PSMA6: variants seen among roughly 807,000 people sequenced by gnomAD.
PSMA6 encodes the protein proteasome subunit alpha type-6.
For synonymous variants in PSMA6, 88 were observed against 97.7 expected (o/e 0.90, Z 0.59); for missense variants, 170 against 294.8 (o/e 0.58, Z 3.10).
chr14:35,292,912 C>T (rs1367531496), intron 1 of PSMA6: 1 of 485,116 alleles, frequency 2.1e-6, no homozygotes, highest in Non-Finnish European at 4.0e-6. Flanking sequence ...TCCTTAACGT[C>T]TCAACTAAAA....
In PSMA6 at chr14:35,294,101, A is replaced by G. The variant is rs151097168; in HGVS notation, c.76+1549A>G. Among the ~76,000 whole-genome samples the G allele has an allele frequency of 7.8e-3, 1,186 of 152,290 alleles. 23 individuals carry two copies. Among genetic ancestry groups the G allele is most frequent in the African/African-American group, 0.027 (1,130 of 41,570 alleles). ...CTCTTGTTGCCTAGGCTGGAGTGCA[A>G]TGGCGCGATCTCGGCTCCCCGCAAT... On this transcript the variant is annotated intron_variant, in intron 1 of 6. Coordinates refer to ENST00000261479, the MANE Select transcript of PSMA6 (RefSeq NM_002791.3).
chr14:35,297,319 C>A (rs1476287174), intron 1 of PSMA6, among the ~76,000 whole-genome samples: 1 of 151,642 alleles, frequency 6.6e-6, no homozygotes, highest in Non-Finnish European at 1.5e-5. Flanking sequence ...GGGTTCACGC[C>A]GTTCTCCTGC....
intron 6 of PSMA6, chr14:35,316,404 GAGAA>G (rs1566565329): frequency 2.8e-5 from 4 of 143,814 alleles, no homozygotes; most frequent in African/African-American, 7.9e-5. Flanking sequence ...AAAAAAAAAA[GAGAA>G]AGGAAATATA....
chr14:35,283,552 CTTT>C (rs750836861), intron 1 of PSMA6, among the ~76,000 whole-genome samples: 23 of 126,634 alleles, frequency 1.8e-4, no homozygotes, highest in African/African-American at 3.5e-4. Context: ...GACTAGAACT[CTTT>C]TTTTTTTTTT....
Position 35,303,699 on chromosome 14 carries a change from C to G in PSMA6, c.77-4295C>G, listed in dbSNP as rs149552200. ...AAGAAGCACTTTGAAAGTTGTACAG[C>G]TAGTCCTCCATATTCAACCCATATT... On this transcript the variant is annotated intron_variant, in intron 1 of 6. Coordinates refer to ENST00000261479, the MANE Select transcript of PSMA6 (RefSeq NM_002791.3). 1.1e-3 allele frequency among the ~76,000 whole-genome samples: 165 copies of G among 152,306 alleles called. 3 individuals are homozygous for G. The East Asian group carries it at 0.024, about 23-fold the overall frequency.
chr14:35,278,813 A>T, intron 1 of PSMA6: 1 of 1,425,822 alleles, frequency 7.0e-7, no homozygotes, highest in Non-Finnish European at 9.5e-7. Context: ...CTTTACAATG[A>T]CCTTGCTCTA....
At chr14:35,290,758 T>C (rs1214141407), upstream of PSMA6, among the ~76,000 whole-genome samples, 1 of 152,204 alleles carries the variant, frequency 6.6e-6, no homozygotes, top group African/African-American at 2.4e-5. Context: ...CATTATGTTT[T>C]GCATTTTGTA....
At chr14:35,302,367 T>G (rs1011328797) in intron 1 of PSMA6, among the ~76,000 whole-genome samples, 1 of 152,192 alleles carries the variant, frequency 6.6e-6, no homozygotes, top group African/African-American at 2.4e-5. Context: ...ACAGCCAGAA[T>G]CACTACAAAT....
At chr14:35,281,272 A>G (rs1348157482) in intron 1 of PSMA6, among the ~76,000 whole-genome samples, 2 of 152,106 alleles carry the variant, frequency 1.3e-5, no homozygotes, top group Non-Finnish European at 2.9e-5. Context: ...CCTGTATACC[A>G]TAGTATTGCT....
upstream of PSMA6, chr14:35,292,339 T>C (rs1441779152): frequency 4.0e-6 from 6 of 1,507,192 alleles, no homozygotes; most frequent in African/African-American, 7.0e-5. Flanking sequence ...TCCAGAGCCG[T>C]GAGTTCGGCA....
intron 3 of PSMA6, 102 bp from the exon 4 acceptor site, chr14:35,310,638 A>T: frequency 3.5e-6 from 4 of 1,144,848 alleles, no homozygotes; most frequent in Non-Finnish European, 5.1e-6. Context: ...TCTTTAACTC[A>T]TGTATGTCTA....
intron 1 of PSMA6, among the ~76,000 whole-genome samples, chr14:35,303,418 C>G (rs943240287): frequency 6.6e-6 from 1 of 152,120 alleles, no homozygotes; most frequent in Non-Finnish European, 1.5e-5. Context: ...ATTGTTACCC[C>G]AAACTGTTCT....
intron 1 of PSMA6, 62 bp downstream of exon 1, chr14:35,292,614 G>T: frequency 6.3e-7 from 1 of 1,580,752 alleles, no homozygotes; most frequent in Non-Finnish European, 8.6e-7. Flanking sequence ...CGTGCCTGGA[G>T]CGAGCAGACG....
chr14:35,307,246 T>C (rs2051846141), intron 1 of PSMA6, among the ~76,000 whole-genome samples: 1 of 152,054 alleles, frequency 6.6e-6, no homozygotes, highest in South Asian at 2.1e-4. Flanking sequence ...TGCAAAATAA[T>C]CAAACAGCAA....
chr14:35,305,744 T>C (rs932167452), intron 1 of PSMA6, among the ~76,000 whole-genome samples: 1 of 152,208 alleles, frequency 6.6e-6, no homozygotes, highest in African/African-American at 2.4e-5. Flanking sequence ...AGTTATCTTC[T>C]GTGTTTTCAT....
At chr14:35,288,444 G>C (rs142620106), upstream of PSMA6, among the ~76,000 whole-genome samples, 2,509 of 152,268 alleles carry the variant, frequency 0.016, 78 homozygotes, top group African/African-American at 0.058. Context: ...GTTGCAATGA[G>C]CCGAGATCGT....
intron 1 of PSMA6, among the ~76,000 whole-genome samples, chr14:35,285,339 C>CAAAAAAAAAAA (rs758651038): frequency 7.3e-5 from 4 of 54,564 alleles, no homozygotes; most frequent in Admixed American, 3.4e-4. Context: ...AACTCTATCT[C>CAAAAAAAAAAA]AAAAAAAACA....
At chr14:35,282,577 G>A (rs922599262) in intron 1 of PSMA6, among the ~76,000 whole-genome samples, 9 of 151,994 alleles carry the variant, frequency 5.9e-5, no homozygotes, top group South Asian at 2.1e-4. Context: ...AACTTTTAAC[G>A]TTGCAATGAT....
In PSMA6 at chr14:35,317,366, A is replaced by G; in HGVS notation, c.*60A>G. 2.1e-6 allele frequency: 3 copies of G among 1,450,850 alleles called. No homozygotes were observed. Among genetic ancestry groups the G allele is most frequent in the Non-Finnish European group, 1.9e-6 (2 of 1,034,504 alleles). 89.9% of individuals were successfully genotyped at this position (1,450,850 alleles called of 1,614,324 possible). On this transcript the variant is annotated 3_prime_UTR_variant, in exon 7 of 7. Coordinates refer to ENST00000261479, the MANE Select transcript of PSMA6 (RefSeq NM_002791.3). ...CTTACCTGTGTGTTTGGTAACAACA[A>G]ACCAACATCATGGAGGTCCCTGGAT... is the stretch of plus-strand genomic sequence containing the variant.
Sources: gnomAD v4.1 joint callset for allele counts (sites outside exome capture counted in the v4.1 genomes callset) on GRCh38, gnomAD v4.1.1 for gene constraint, MANE v1.5 for transcripts, NCBI Gene and HGNC (gene_info 2026-07-23, HGNC 2026-07-21) for gene names.